The following RTCB variants were observed in gnomAD, a reference collection of about 807,000 sequenced individuals.
RTCB encodes RNA 2',3'-cyclic phosphate and 5'-OH ligase.
A neutral mutation model predicts 58.2 loss-of-function variants in RTCB; 32 were observed. That is an observed-to-expected ratio of 0.55 (90% CI 0.41 to 0.74). The LOEUF (loss-of-function observed/expected upper bound fraction) is 0.74, where lower values mean the gene tolerates loss of function less well. RTCB is among the 30% of genes least tolerant of loss of function. The pLI, the probability that RTCB is intolerant of heterozygous loss-of-function variation, is 0.00. For synonymous variants in RTCB, 247 were observed against 218.6 expected (o/e 1.13, Z -1.15); for missense variants, 523 against 639.0 (o/e 0.82, Z 1.96).
Position 32,396,208 on chromosome 22 carries a change from T to C in RTCB, c.856A>G (p.Ile286Val), listed in dbSNP as rs1185905443. 5 of 1,614,096 alleles carry C rather than the reference T, an allele frequency of 3.1e-6. No homozygotes were observed. The African/African-American group carries it at 4.0e-5, about 13-fold the overall frequency. ...GCCAACTGCCGATCATTGACTATAA[T>C]CTTGTCTCTCTTCATGGCCTTCTCC... Reference protein sequence around the residue: ...AMEKAMKRDKIIVNDRQLACA... With the variant: ...AMEKAMKRDKVIVNDRQLACA... The change falls in exon 8 of 12, where the codon ATT (isoleucine) becomes GTT (valine). Residue 286 changes from isoleucine to valine, a missense_variant. By Grantham distance (29) the Ile-to-Val change is conservative. Around this residue, in one of 3 missense-constraint regions of RTCB, gnomAD observed 248 missense variants for 292.5 expected, o/e 0.85. Transcript: ENST00000216038.
At position 32,387,877 on chromosome 22, in the gene RTCB, A is replaced by G; in HGVS notation, c.*115T>C. ...ATCAGCCATTTTGGCGTGAGCAGTT[A>G]CAGCTGCACACTTTGCAACTTGTCC... On this transcript the variant is annotated 3_prime_UTR_variant, in exon 12 of 12. Coordinates refer to ENST00000216038, the MANE Select transcript of RTCB (RefSeq NM_014306.5). 1.5e-6 allele frequency: 1 copy of G among 672,256 alleles called. No homozygotes were observed. The allele number at this position is 672,256 out of a possible 1,614,324, so 41.6% of individuals were successfully genotyped here.
rs189961365 is a variant in RTCB at position 32,408,694 on chromosome 22, T to C, written c.172+61A>G. The C allele has an allele frequency of 1.2e-4, 155 of 1,270,266 alleles. No homozygotes were observed. In the East Asian group the frequency reaches 3.5e-3, roughly 29 times the overall value. 78.7% of individuals were successfully genotyped at this position (1,270,266 alleles called of 1,614,324 possible). A position where few individuals can be genotyped will look rare whatever the true frequency, so the allele number is the denominator to read the frequency against. Reference sequence around the variant, plus strand: ...GAATTATAATTATTTGAGTTGCCACTTTTTCAGGCCACAGGGAAGGCACTA... The same window carrying C: ...GAATTATAATTATTTGAGTTGCCACCTTTTCAGGCCACAGGGAAGGCACTA... On this transcript the variant is annotated intron_variant, in intron 2 of 11. Coordinates refer to ENST00000216038, the MANE Select transcript of RTCB (RefSeq NM_014306.5).
Position 32,396,159 on chromosome 22 carries a change from T to C in RTCB, c.905A>G (p.Glu302Gly), listed in dbSNP as rs917949353. ...CATTCCCTTCAGATAGTCTTGACCC[T>C]CTGGGGAAGCGATTCGAGCACAAGC... ...QLACARIASP[E>G]GQDYLKGMAA... The change falls in exon 8 of 12, where the codon GAG becomes GGG. Residue 302 changes from glutamate to glycine, a missense_variant. Transcript: ENST00000216038. 5 of 1,614,220 alleles carry C rather than the reference T, an allele frequency of 3.1e-6. No individual in the cohort carries two copies. The highest frequency in any genetic ancestry group is 4.2e-6 in the Non-Finnish European group (5 of 1,180,038).
chr22:32,394,654 A>C (rs1933213526), intron 9 of RTCB, among the ~76,000 whole-genome samples: 1 of 152,178 alleles, frequency 6.6e-6, no homozygotes, highest in Non-Finnish European at 1.5e-5. Flanking sequence ...AAAAGGAGCA[A>C]GCAGACTATG....
At chr22:32,401,471 G>T in intron 5 of RTCB, 1 of 286,628 alleles carries the variant, frequency 3.5e-6, no homozygotes. Context: ...GAAATGATAT[G>T]ATGCTCAGCA....
intron 11 of RTCB, among the ~76,000 whole-genome samples, chr22:32,388,396 C>T (rs772219782): frequency 1.7e-4 from 26 of 151,604 alleles, no homozygotes; most frequent in Non-Finnish European, 3.5e-4. Flanking sequence ...CACACCAGAA[C>T]CTGATTGGAA....
At chr22:32,399,820 GACCA>G in intron 5 of RTCB, 61 bp from the exon 6 acceptor site, 6 of 1,464,896 alleles carry the variant, frequency 4.1e-6, no homozygotes, top group Non-Finnish European at 5.6e-6. Context: ...ACCTAAGGAT[GACCA>G]CATCCTTAAA....
At chr22:32,404,035 G>T (rs1220375528) in intron 4 of RTCB, among the ~76,000 whole-genome samples, 3 of 152,140 alleles carry the variant, frequency 2.0e-5, no homozygotes, top group African/African-American at 4.8e-5. Context: ...AATTTTAAAA[G>T]ATTGATTTCT....
At position 32,387,937 on chromosome 22, in the gene RTCB, C is replaced by T; in HGVS notation, c.*55G>A. 2.6e-6 allele frequency: 3 copies of T among 1,138,750 alleles called. No homozygotes were observed. Among genetic ancestry groups the T allele is most frequent in the South Asian group, 1.2e-5 (1 of 80,178 alleles). 70.5% of individuals were successfully genotyped at this position (1,138,750 alleles called of 1,614,324 possible). On this transcript the variant is annotated 3_prime_UTR_variant, in exon 12 of 12. Coordinates refer to ENST00000216038, the MANE Select transcript of RTCB (RefSeq NM_014306.5). ...TCTGATGTCAGAAGAGCATGTCAGT[C>T]CACTTCCACTTCAGAGAGGGTTGGT... is the stretch of plus-strand genomic sequence containing the variant.
chr22:32,388,174 G>T, intron 11 of RTCB, 75 bp from the exon 12 acceptor site: 1 of 884,600 alleles, frequency 1.1e-6, no homozygotes, highest in Non-Finnish European at 1.8e-6. Context: ...CTTCACTTGT[G>T]ATGAAATAAA....
intron 3 of RTCB, among the ~76,000 whole-genome samples, chr22:32,407,086 T>G (rs937571368): frequency 1.3e-5 from 2 of 152,242 alleles, no homozygotes; most frequent in African/African-American, 2.4e-5. Flanking sequence ...CTTAAGACAC[T>G]GACAAACTTT....
chr22:32,389,389 CCTTTT>C (rs1320310101), intron 11 of RTCB, among the ~76,000 whole-genome samples: 1 of 152,190 alleles, frequency 6.6e-6, no homozygotes, highest in Non-Finnish European at 1.5e-5. Context: ...TACCTTCTCT[CCTTTT>C]ATTTTTTTAC....
At chr22:32,394,963 C>A in intron 9 of RTCB, 63 bp downstream of exon 9, 1 of 1,386,582 alleles carries the variant, frequency 7.2e-7, no homozygotes. Context: ...AAATGTAATT[C>A]ACATTTGCAA....
intron 11 of RTCB, among the ~76,000 whole-genome samples, chr22:32,389,042 C>T (rs1933107606): frequency 6.6e-6 from 1 of 152,178 alleles, no homozygotes; most frequent in African/African-American, 2.4e-5. Context: ...CAGGTGTGCT[C>T]CTGGCTTTCA....
intron 8 of RTCB, 101 bp from the exon 9 acceptor site, chr22:32,395,315 G>A: frequency 2.0e-6 from 2 of 980,614 alleles, no homozygotes; most frequent in Non-Finnish European, 3.0e-6. Context: ...GTTCTGAAGG[G>A]AGTAAAAGAT....
At chr22:32,394,964 A>C in intron 9 of RTCB, 62 bp downstream of exon 9, 1 of 1,402,972 alleles carries the variant, frequency 7.1e-7, no homozygotes, top group Non-Finnish European at 9.8e-7. Flanking sequence ...AATGTAATTC[A>C]CATTTGCAAC....
At chr22:32,395,672 C>T (rs1381687230) in intron 8 of RTCB, among the ~76,000 whole-genome samples, 1 of 152,130 alleles carries the variant, frequency 6.6e-6, no homozygotes, top group Non-Finnish European at 1.5e-5. Flanking sequence ...AACCAAACAC[C>T]ATAGGCTTTG....
In RTCB at chr22:32,401,797, G is replaced by A. The variant is rs777723724; in HGVS notation, c.447C>T (p.Asp149=). Residue 149 remains aspartate (D), a synonymous_variant, in exon 5 of 12, where the codon GAC becomes GAT. Coordinates refer to ENST00000216038, the MANE Select transcript of RTCB (RefSeq NM_014306.5). ...TTGACCCCACCCCAACAGGAATGTG[G>A]TCAAACATAGCTTGGGCAAGTTGCT... is the stretch of plus-strand genomic sequence containing the variant. The part of the protein sequence containing the change: ...VKEQLAQAMF[D]HIPVGVGSKG... The A allele has an allele frequency of 7.4e-6, 12 of 1,613,856 alleles. No individual in the cohort carries two copies. The highest frequency in any genetic ancestry group is 8.5e-6 in the Non-Finnish European group (10 of 1,179,890).
intron 3 of RTCB, chr22:32,407,507 T>C (rs1459997959): frequency 1.3e-5 from 2 of 152,466 alleles, no homozygotes; most frequent in Non-Finnish European, 2.9e-5. Flanking sequence ...TCTTCTTCAA[T>C]GATCCTCTGC....
Sources: gnomAD v4.1 joint callset for allele counts (sites outside exome capture counted in the v4.1 genomes callset) on GRCh38, gnomAD v4.1.1 for gene constraint, gnomAD v4.1.1 regional missense constraint, MANE v1.5 for transcripts, NCBI Gene and HGNC (gene_info 2026-07-23, HGNC 2026-07-21) for gene names.